TPTE: variants seen among roughly 807,000 people sequenced by gnomAD.
TPTE encodes the protein transmembrane phosphatase with tensin homology, also known as putative tyrosine-protein phosphatase TPTE.
TPTE carries 59 observed loss-of-function variants against 84.1 expected under a neutral mutation model. That is an observed-to-expected ratio of 0.70 (90% CI 0.57 to 0.87). The LOEUF (loss-of-function observed/expected upper bound fraction) is 0.87, where lower values mean the gene tolerates loss of function less well. Among genes scored for constraint, TPTE ranks in the 40% least tolerant of loss-of-function variants. The pLI, the probability that TPTE is intolerant of heterozygous loss-of-function variation, is 0.00. For missense variants in TPTE, 382 were observed against 659.6 expected, an observed-to-expected ratio of 0.58 and a Z score of 4.61; for synonymous variants, 130 against 223.5, an observed-to-expected ratio of 0.58 and a Z score of 3.73.
At chr21:10,573,636 A>T (rs1468230587) in intron 14 of TPTE, among the ~76,000 whole-genome samples, 1 of 152,312 alleles carries the variant, frequency 6.6e-6, no homozygotes, top group Non-Finnish European at 1.5e-5. Context: ...TCCTGATTTG[A>T]TCATTACACA....
At position 10,548,242 on chromosome 21, in the gene TPTE, C is replaced by T. The variant is rs1352939661; in HGVS notation, c.174-4415C>T. On this transcript the variant is annotated intron_variant, in intron 7 of 23. Transcript: ENST00000618007. Reference sequence around the variant, plus strand: ...ACTAAGCAGCCATATACCTGTGTCCCAGCTTGAGGAACAGCCCTTTAGGCC... The same window carrying T: ...ACTAAGCAGCCATATACCTGTGTCCTAGCTTGAGGAACAGCCCTTTAGGCC... Among the ~76,000 whole-genome samples the T allele has an allele frequency of 1.4e-4, 21 of 152,414 alleles. No homozygotes were observed. In the South Asian group the frequency reaches 4.4e-3, roughly 32 times the overall value.
intron 18 of TPTE, among the ~76,000 whole-genome samples, chr21:10,591,117 C>T (rs2075467056): frequency 6.6e-6 from 1 of 152,290 alleles, no homozygotes; most frequent in Non-Finnish European, 1.5e-5. Flanking sequence ...CAACTCAAAA[C>T]AAAGCCTCTC....
At chr21:10,566,481 A>C (rs1261154583) in intron 10 of TPTE, among the ~76,000 whole-genome samples, 1 of 152,312 alleles carries the variant, frequency 6.6e-6, no homozygotes, top group Non-Finnish European at 1.5e-5. Context: ...GAACTACCAT[A>C]TGATCCAGCA....
intron 15 of TPTE, among the ~76,000 whole-genome samples, 156 bp downstream of exon 15, chr21:10,577,676 G>T (rs2075185358): frequency 6.6e-6 from 1 of 152,312 alleles, no homozygotes; most frequent in Admixed American, 6.5e-5. Context: ...GCCCCATTTA[G>T]TAGAAGGAGT....
intron 10 of TPTE, among the ~76,000 whole-genome samples, chr21:10,566,128 C>T (rs1382904686): frequency 1.3e-5 from 2 of 152,426 alleles, no homozygotes; most frequent in South Asian, 2.1e-4. Context: ...GGATTAATAA[C>T]CAGAATATGT....
chr21:10,544,039 G>A (rs1409459091), intron 7 of TPTE, among the ~76,000 whole-genome samples: 3 of 152,302 alleles, frequency 2.0e-5, no homozygotes, highest in Non-Finnish European at 4.4e-5. Flanking sequence ...GGAGAGACTA[G>A]CATGATCAGT....
chr21:10,596,604 CAG>C (rs1212685833), intron 20 of TPTE, among the ~76,000 whole-genome samples: 7 of 152,302 alleles, frequency 4.6e-5, no homozygotes, highest in Non-Finnish European at 7.3e-5. Flanking sequence ...AGCTTACACT[CAG>C]GGGAGGTGGG....
At position 10,565,032 on chromosome 21, in the gene TPTE, A is replaced by G. The variant is rs189470549; in HGVS notation, c.447-2638A>G. Among the ~76,000 whole-genome samples the G allele has an allele frequency of 5.8e-3, 876 of 152,064 alleles. 1 individual carries two copies. The highest frequency in any genetic ancestry group is 8.0e-3 in the Non-Finnish European group (541 of 67,826). On this transcript the variant is annotated intron_variant, in intron 10 of 23. Coordinates refer to ENST00000618007, the MANE Select transcript of TPTE (RefSeq NM_199261.4). ...TATGGAAGAGAAAGAAAGGGAATAAAAAAAGAAATCCAAATTGGGATGGAA... is the reference window on the plus strand; with the variant it reads ...TATGGAAGAGAAAGAAAGGGAATAAGAAAAGAAATCCAAATTGGGATGGAA...
intron 6 of TPTE, among the ~76,000 whole-genome samples, chr21:10,542,649 C>T (rs1291125723): frequency 1.3e-5 from 2 of 152,306 alleles, no homozygotes; most frequent in Admixed American, 6.5e-5. Context: ...CTTACACAAA[C>T]TAATCCATGC....
chr21:10,559,849 T>C (rs1210118520), intron 9 of TPTE, among the ~76,000 whole-genome samples: 1 of 145,846 alleles, frequency 6.9e-6, no homozygotes, highest in Non-Finnish European at 1.5e-5. Context: ...ACCGCAGCCT[T>C]GGCGACACAG....
At chr21:10,531,174 T>C (rs2074171776) in intron 3 of TPTE, among the ~76,000 whole-genome samples, 1 of 152,308 alleles carries the variant, frequency 6.6e-6, no homozygotes, top group Admixed American at 6.5e-5. Context: ...CATGGTGTTA[T>C]TGTTTGGAGA....
chr21:10,550,254 TAATAGATTA>T (rs2074548032), intron 7 of TPTE, among the ~76,000 whole-genome samples: 1 of 152,310 alleles, frequency 6.6e-6, no homozygotes, highest in South Asian at 2.1e-4. Flanking sequence ...CTTTGAATGT[TAATAGATTA>T]AATACCCCAT....
chr21:10,581,741 GTT>G, intron 17 of TPTE, among the ~76,000 whole-genome samples: 1 of 152,308 alleles, frequency 6.6e-6, no homozygotes, highest in Admixed American at 6.5e-5. Context: ...GTAAATTTTT[GTT>G]TTGTTTTGAG....
intron 19 of TPTE, 125 bp from the exon 20 acceptor site, chr21:10,595,857 G>A: frequency 3.2e-6 from 4 of 1,255,236 alleles, no homozygotes; most frequent in Non-Finnish European, 4.5e-6. Flanking sequence ...GTTATATTAT[G>A]GCATCCAGTA....
chr21:10,548,741 C>T (rs1307143032), intron 7 of TPTE, among the ~76,000 whole-genome samples: 1 of 152,304 alleles, frequency 6.6e-6, no homozygotes, highest in African/African-American at 2.4e-5. Flanking sequence ...AGCAGACTGG[C>T]CCCAGGCCAG....
chr21:10,546,730 A>T (rs2074474629), intron 7 of TPTE, among the ~76,000 whole-genome samples: 1 of 152,306 alleles, frequency 6.6e-6, no homozygotes, highest in Non-Finnish European at 1.5e-5. Context: ...CTTAAGCCAA[A>T]GCGTAATCCA....
intron 14 of TPTE, among the ~76,000 whole-genome samples, chr21:10,570,905 ATGACT>A (rs1220307940): frequency 6.6e-6 from 1 of 152,310 alleles, no homozygotes; most frequent in African/African-American, 2.4e-5. Context: ...TTAGTCTAAA[ATGACT>A]TGGCTACCCT....
At chr21:10,589,787 G>T (rs1344182480) in intron 17 of TPTE, among the ~76,000 whole-genome samples, 1 of 152,310 alleles carries the variant, frequency 6.6e-6, no homozygotes, top group African/African-American at 2.4e-5. Context: ...TGCCTGCATT[G>T]TCCTCCCCAG....
chr21:10,574,509 C>G (rs2075111478), intron 14 of TPTE, among the ~76,000 whole-genome samples: 1 of 152,312 alleles, frequency 6.6e-6, no homozygotes, highest in Non-Finnish European at 1.5e-5. Context: ...GCAAGATGGC[C>G]AATTAGAAGC....
Sources: gnomAD v4.1 joint callset for allele counts (sites outside exome capture counted in the v4.1 genomes callset) on GRCh38, gnomAD v4.1.1 for gene constraint, MANE v1.5 for transcripts, NCBI Gene and HGNC (gene_info 2026-07-23, HGNC 2026-07-21) for gene names.